Variants in HEMK2 observed in about 807,000 individuals in gnomAD.
HEMK2 encodes the protein HemK methyltransferase 2, ETF1 glutamine and histone H4 lysine.
chr21:28,780,703 A>G, the HEMK2 span, among the ~76,000 whole-genome samples: 1 of 152,232 alleles, frequency 6.6e-6, no homozygotes, highest in Non-Finnish European at 1.5e-5. Context: ...GTCAGACCCA[A>G]TGTCTATGAA....
At chr21:28,640,518 C>G in the HEMK2 span, among the ~76,000 whole-genome samples, 17 of 152,338 alleles carry the variant, frequency 1.1e-4, no homozygotes, top group African/African-American at 4.1e-4. Flanking sequence ...AATGGTACTA[C>G]AGCGGAATCA....
At chr21:28,866,290 G>A in the HEMK2 span, among the ~76,000 whole-genome samples, 2 of 148,704 alleles carry the variant, frequency 1.3e-5, no homozygotes, top group Admixed American at 6.7e-5. Context: ...GCAGACAGCC[G>A]AGATCACAAT....
the HEMK2 span, among the ~76,000 whole-genome samples, chr21:28,623,409 T>C: frequency 4.6e-5 from 7 of 152,282 alleles, no homozygotes; most frequent in East Asian, 9.7e-4. Flanking sequence ...GTTCAACCAT[T>C]GTGGAAGACA....
chr21:28,876,642 T>C, the HEMK2 span: 2 of 508,920 alleles, frequency 3.9e-6, no homozygotes, highest in African/African-American at 4.0e-5. Context: ...TAAAGTGAAC[T>C]TGGTCTTCAG....
At chr21:28,689,467 A>G in the HEMK2 span, among the ~76,000 whole-genome samples, 1 of 152,156 alleles carries the variant, frequency 6.6e-6, no homozygotes, top group African/African-American at 2.4e-5. Flanking sequence ...AGTATCTTTC[A>G]AATATCACAA....
chr21:28,834,079 G>C, the HEMK2 span, among the ~76,000 whole-genome samples: 1 of 152,176 alleles, frequency 6.6e-6, no homozygotes, highest in Non-Finnish European at 1.5e-5. Context: ...TGGGAGCCTG[G>C]AGCTTCAATG....
the HEMK2 span, among the ~76,000 whole-genome samples, chr21:28,807,772 A>G: frequency 1.1e-4 from 17 of 152,208 alleles, no homozygotes; most frequent in Admixed American, 2.6e-4. Context: ...AGCATCTGCT[A>G]TACTAGAAGA....
the HEMK2 span, among the ~76,000 whole-genome samples, chr21:28,640,904 C>T: frequency 6.6e-6 from 1 of 152,170 alleles, no homozygotes; most frequent in East Asian, 1.9e-4. Flanking sequence ...AATCACAGTG[C>T]TAAGTATGTA....
the HEMK2 span, among the ~76,000 whole-genome samples, chr21:28,779,885 A>C: frequency 6.7e-6 from 1 of 150,328 alleles, no homozygotes; most frequent in Non-Finnish European, 1.5e-5. Context: ...CTTGTTTTTA[A>C]AAAAAAGCCA....
chr21:28,632,301 T>C, the HEMK2 span, among the ~76,000 whole-genome samples: 1 of 152,222 alleles, frequency 6.6e-6, no homozygotes, highest in East Asian at 1.9e-4. Context: ...GAAATCAGTG[T>C]GTCTTGGGTG....
At chr21:28,682,343 C>G in the HEMK2 span, among the ~76,000 whole-genome samples, 12 of 151,832 alleles carry the variant, frequency 7.9e-5, no homozygotes, top group Non-Finnish European at 1.3e-4. Flanking sequence ...AAATCAAAAC[C>G]ACAATGAGAT....
At chr21:28,834,483 A>C in the HEMK2 span, among the ~76,000 whole-genome samples, 2 of 152,230 alleles carry the variant, frequency 1.3e-5, no homozygotes, top group East Asian at 3.8e-4. Context: ...GGGCAGAGGA[A>C]GTGGCAGAAA....
At chr21:28,716,941 A>G in the HEMK2 span, among the ~76,000 whole-genome samples, 7 of 152,174 alleles carry the variant, frequency 4.6e-5, no homozygotes, top group East Asian at 1.3e-3. Context: ...TGTATATTAA[A>G]CCAACCTTGC....
At chr21:28,804,541 C>G in the HEMK2 span, among the ~76,000 whole-genome samples, 1 of 152,076 alleles carries the variant, frequency 6.6e-6, no homozygotes, top group Non-Finnish European at 1.5e-5. Flanking sequence ...TCAAGACCAG[C>G]CTGGGCAACA....
the HEMK2 span, among the ~76,000 whole-genome samples, chr21:28,804,178 T>C: frequency 6.6e-6 from 1 of 152,078 alleles, no homozygotes; most frequent in Admixed American, 6.6e-5. Context: ...GCTATCTTCT[T>C]ATGAAAAACC....
chr21:28,879,557 T>C, the HEMK2 span, among the ~76,000 whole-genome samples: 1 of 152,222 alleles, frequency 6.6e-6, no homozygotes, highest in Non-Finnish European at 1.5e-5. Context: ...ACCTTTTGTT[T>C]TGCAAATTTT....
the HEMK2 span, among the ~76,000 whole-genome samples, chr21:28,728,552 G>A: frequency 6.6e-6 from 1 of 152,198 alleles, no homozygotes; most frequent in African/African-American, 2.4e-5. Flanking sequence ...AACTCATGAT[G>A]TAGAGGGAAT....
chr21:28,859,236 T>C, the HEMK2 span, among the ~76,000 whole-genome samples: 1 of 152,210 alleles, frequency 6.6e-6, no homozygotes, highest in Non-Finnish European at 1.5e-5. Flanking sequence ...AAAACTGTAT[T>C]TACCTTAGAT....
the HEMK2 span, among the ~76,000 whole-genome samples, chr21:28,603,215 T>C: frequency 6.6e-6 from 1 of 151,988 alleles, no homozygotes; most frequent in Admixed American, 6.5e-5. Context: ...TTCTTATAAA[T>C]TTCTCTTGGG....
Sources: gnomAD v4.1 joint callset for allele counts (sites outside exome capture counted in the v4.1 genomes callset) on GRCh38, gnomAD v4.1.1 for gene constraint, MANE v1.5 for transcripts, NCBI Gene and HGNC (gene_info 2026-07-23, HGNC 2026-07-21) for gene names.